The following HPD variants were observed in gnomAD, a reference collection of about 807,000 sequenced individuals.
HPD encodes 4-hydroxyphenylpyruvate dioxygenase, also known as 4-hydroxyphenylpyruvic acid oxidase.
In HPD, 35 loss-of-function variants were observed where a neutral mutation model predicts 56.9. That is an observed-to-expected ratio of 0.62 (90% CI 0.47 to 0.82). The LOEUF is 0.82. HPD is among the 40% of genes least tolerant of loss of function. HPD has a pLI of 0.00. For synonymous variants in HPD, 186 were observed against 200.2 expected (o/e 0.93, Z 0.60); for missense variants, 442 against 506.8 (o/e 0.87, Z 1.23).
At chr12:121,846,140 CCTT>C (rs1877575073) in intron 11 of HPD, among the ~76,000 whole-genome samples, 1 of 152,182 alleles carries the variant, frequency 6.6e-6, no homozygotes, top group African/African-American at 2.4e-5. Context: ...CTCAAACAAT[CCTT>C]CTGCTTTGGC....
chr12:121,870,455 G>T, the HPD span, among the ~76,000 whole-genome samples: 4 of 151,252 alleles, frequency 2.6e-5, no homozygotes, highest in Non-Finnish European at 2.9e-5. Flanking sequence ...TGCAGTGAGT[G>T]GAGATCGTGC....
In HPD at chr12:121,839,954, A is replaced by G. The variant is rs1592913789; in HGVS notation, c.1049T>C (p.Val350Ala). The G allele has an allele frequency of 1.2e-6, 2 of 1,613,812 alleles. No homozygotes were observed. Among genetic ancestry groups the G allele is most frequent in the South Asian group, 2.2e-5 (2 of 91,084 alleles). The part of the protein sequence containing the change: ...VQDRPTLFLE[V>A]IQRHNHQGFG... ...TACCTGGTGGTTGTGGCGCTGGATG[A>G]CTTCCAGGAAGAGCGTGGGCCGGTC... The change falls in exon 13 of 14, where the codon GTC (valine) becomes GCC (alanine). Residue 350 changes from valine (V) to alanine (A), a missense_variant. Coordinates refer to ENST00000289004, the MANE Select transcript of HPD (RefSeq NM_002150.3).
chr12:121,845,421 C>A (rs1435732375), intron 11 of HPD, among the ~76,000 whole-genome samples: 1 of 148,728 alleles, frequency 6.7e-6, no homozygotes, highest in Non-Finnish European at 1.5e-5. Flanking sequence ...ACAGTGAAAC[C>A]CCGTCTCTAC....
At chr12:121,853,638 A>AG (rs1877888406) in intron 7 of HPD, among the ~76,000 whole-genome samples, 1 of 146,838 alleles carries the variant, frequency 6.8e-6, no homozygotes, top group African/African-American at 2.5e-5. Context: ...AAAAAAAAAA[A>AG]GAAAAAAGAA....
the HPD span, among the ~76,000 whole-genome samples, chr12:121,878,353 G>C: frequency 2.4e-4 from 36 of 152,002 alleles, no homozygotes; most frequent in Non-Finnish European, 8.8e-5. Flanking sequence ...TTTTTTGTTT[G>C]TTTTGTTTTT....
chr12:121,871,570 C>T, the HPD span, among the ~76,000 whole-genome samples: 1 of 152,114 alleles, frequency 6.6e-6, no homozygotes, highest in African/African-American at 2.4e-5. Flanking sequence ...AAGGCTGGCC[C>T]GGGTGCCCAG....
chr12:121,853,495 G>A (rs1013276363), intron 7 of HPD, among the ~76,000 whole-genome samples: 9 of 151,590 alleles, frequency 5.9e-5, no homozygotes, highest in Non-Finnish European at 8.8e-5. Flanking sequence ...GGTGGCGGGC[G>A]CCTGTAGTCC....
chr12:121,856,090 C>T (rs941026431), intron 6 of HPD, among the ~76,000 whole-genome samples: 2 of 152,004 alleles, frequency 1.3e-5, no homozygotes, highest in Non-Finnish European at 2.9e-5. Context: ...AGAGAGGACA[C>T]GGGGGAAGGC....
the HPD span, among the ~76,000 whole-genome samples, chr12:121,878,841 T>A: frequency 6.6e-6 from 1 of 151,070 alleles, no homozygotes; most frequent in Non-Finnish European, 1.5e-5. Context: ...ACCAGGCTAT[T>A]TTTTTTTCCT....
chr12:121,874,206 G>C, the HPD span: 1 of 152,184 alleles, frequency 6.6e-6, no homozygotes, highest in African/African-American at 2.4e-5. Context: ...TGAGGAACTT[G>C]AGATTCAAGA....
intron 12 of HPD, among the ~76,000 whole-genome samples, chr12:121,842,052 C>T (rs965129587): frequency 6.6e-6 from 1 of 151,778 alleles, no homozygotes. Context: ...ATTAATGGTG[C>T]CTAGGGCTGG....
Position 121,857,183 on chromosome 12 carries a change from G to A in HPD, c.198+145C>T, listed in dbSNP as rs577382922. The stretch of plus-strand genomic sequence containing the variant: ...CAACCTCTGCCTCCCGGGTTCAAGC[G>A]ATGTGCCTGCCTCAGCCTCCTGAGT... On this transcript the variant is annotated intron_variant, in intron 4 of 13. Transcript: ENST00000289004. 1.9e-3 allele frequency: 1,212 copies of A among 652,318 alleles called. 12 individuals are homozygous for A. The African/African-American group carries it at 0.019, about 10-fold the overall frequency. 40.4% of individuals were successfully genotyped at this position (652,318 alleles called of 1,614,324 possible). A position where few individuals can be genotyped will look rare whatever the true frequency, so the allele number is the denominator to read the frequency against.
chr12:121,849,499 G>A (rs1036284770), intron 8 of HPD, among the ~76,000 whole-genome samples, 188 bp downstream of exon 8: 3 of 152,150 alleles, frequency 2.0e-5, no homozygotes, highest in African/African-American at 7.2e-5. Flanking sequence ...ACCCGGGGAA[G>A]TTTGGTTGCA....
rs1315570821 is a variant in HPD at position 121,851,718 on chromosome 12, T to A, written c.415-1928A>T. Among the ~76,000 whole-genome samples the A allele has an allele frequency of 6.5e-3, 21 of 3,232 alleles. 2 individuals carry two copies. Among genetic ancestry groups the A allele is most frequent in the East Asian group, 0.014 (1 of 74 alleles). 2.1% of individuals were successfully genotyped at this position (3,232 alleles called of 152,430 possible). A position where few individuals can be genotyped will look rare whatever the true frequency, so the allele number is the denominator to read the frequency against. ...TTATTTATTTTTTTTTTTTTTTTTT[T>A]TTTTTTTTTGAGACGGAGTCTCGCT... On this transcript the variant is annotated intron_variant, in intron 7 of 13. Coordinates refer to ENST00000289004, the MANE Select transcript of HPD (RefSeq NM_002150.3).
chr12:121,885,135 C>A, the HPD span, among the ~76,000 whole-genome samples: 31 of 152,136 alleles, frequency 2.0e-4, no homozygotes, highest in Non-Finnish European at 4.1e-4. Flanking sequence ...AAGTGATCCA[C>A]CCCCCTCAGC....
At chr12:121,864,911 C>T (rs1878284532), upstream of HPD, among the ~76,000 whole-genome samples, 1 of 152,026 alleles carries the variant, frequency 6.6e-6, no homozygotes, top group Non-Finnish European at 1.5e-5. Context: ...ACAATACCCA[C>T]ATTAATTCCC....
chr12:121,854,944 C>T lies in HPD; in HGVS notation c.325-152G>A, dbSNP rs551591973. 1.0e-3 allele frequency: 717 copies of T among 685,830 alleles called. 8 individuals carry two copies. Among genetic ancestry groups the T allele is most frequent in the South Asian group, 7.2e-3 (471 of 65,516 alleles). 42.5% of individuals were successfully genotyped at this position (685,830 alleles called of 1,614,324 possible). A position where few individuals can be genotyped will look rare whatever the true frequency, so the allele number is the denominator to read the frequency against. Reference sequence around the variant, plus strand: ...GAACCCCAGCCAGCTTCAGCCATTACCCCCAATACTCATGCTCATTTGGCA... The same window carrying T: ...GAACCCCAGCCAGCTTCAGCCATTATCCCCAATACTCATGCTCATTTGGCA... On this transcript the variant is annotated intron_variant, in intron 6 of 13. Transcript: ENST00000289004.
At chr12:121,852,795 T>C (rs1877854839) in intron 7 of HPD, among the ~76,000 whole-genome samples, 2 of 151,862 alleles carry the variant, frequency 1.3e-5, no homozygotes, top group South Asian at 4.2e-4. Flanking sequence ...CCACCATGCC[T>C]GGCTAACTTT....
intron 7 of HPD, among the ~76,000 whole-genome samples, chr12:121,850,638 C>T (rs192857519): frequency 1.3e-5 from 2 of 148,682 alleles, no homozygotes; most frequent in Non-Finnish European, 3.0e-5. Flanking sequence ...CATGCCGGGC[C>T]CACCTCAACA....
Sources: allele counts gnomAD v4.1 joint callset (sites outside exome capture counted in the v4.1 genomes callset), GRCh38; gene constraint gnomAD v4.1.1; transcripts MANE v1.5; gene names NCBI Gene and HGNC (gene_info 2026-07-23, HGNC 2026-07-21).